Variants in CSMD1 observed in about 807,000 individuals in gnomAD.
CSMD1 encodes CUB and Sushi multiple domains 1.
In CSMD1, 213 loss-of-function variants were observed where a neutral mutation model predicts 417.5. The observed-to-expected ratio is 0.51, with a 90% CI of 0.46 to 0.57. The LOEUF is 0.57. CSMD1 is among the 20% of genes least tolerant of loss of function. The pLI, the probability that CSMD1 is intolerant of heterozygous loss-of-function variation, is 0.00. For missense variants in CSMD1, 6,923 were observed against 4,529.7 expected, an observed-to-expected ratio of 1.53 and a Z score of -15.17; for synonymous variants, 2,862 against 1,736.8, an observed-to-expected ratio of 1.65 and a Z score of -16.11.
At position 4,396,167 on chromosome 8, in the gene CSMD1, C is replaced by A. The variant is rs563474062; in HGVS notation, c.415+23786G>T. Among the ~76,000 whole-genome samples the A allele has an allele frequency of 2.6e-5, 4 of 152,096 alleles. No homozygotes were observed. In the Middle Eastern group the frequency reaches 0.01, roughly 388 times the overall value. The stretch of plus-strand genomic sequence containing the variant: ...AATATAGAAGTAATTATTTGCAAAG[C>A]AAGAATAACATTTCCAGTTGGGCAC... On this transcript the variant is annotated intron_variant, in intron 3 of 69. Coordinates refer to ENST00000635120, the MANE Select transcript of CSMD1 (RefSeq NM_033225.6).
intron 1 of CSMD1, among the ~76,000 whole-genome samples, chr8:4,696,074 A>G (rs992221591): frequency 6.6e-6 from 1 of 152,208 alleles, no homozygotes; most frequent in Non-Finnish European, 1.5e-5. Flanking sequence ...TTTTAACGGT[A>G]TCTGGTTCAT....
intron 5 of CSMD1, among the ~76,000 whole-genome samples, chr8:3,944,743 T>G (rs1811109458): frequency 6.6e-6 from 1 of 152,108 alleles, no homozygotes; most frequent in Admixed American, 6.6e-5. Context: ...TAATGCACTT[T>G]TCAAAACTAT....
intron 2 of CSMD1, among the ~76,000 whole-genome samples, chr8:4,448,391 C>G (rs753573958): frequency 6.6e-6 from 1 of 152,262 alleles, no homozygotes; most frequent in East Asian, 1.9e-4. Flanking sequence ...TTGTCCAACT[C>G]CTACTTTCAG....
chr8:3,094,738 T>A (rs1000544087), intron 47 of CSMD1, among the ~76,000 whole-genome samples: 4 of 120,120 alleles, frequency 3.3e-5, no homozygotes, highest in Non-Finnish European at 6.7e-5. Context: ...TAATAAAGTA[T>A]AAAATCAATA....
chr8:4,324,923 G>C (rs1413636902), intron 3 of CSMD1, among the ~76,000 whole-genome samples: 1 of 152,122 alleles, frequency 6.6e-6, no homozygotes, highest in Non-Finnish European at 1.5e-5. Flanking sequence ...TAGGTATGGG[G>C]CCTCTTCACG....
chr8:3,331,237 C>CAAAAAAAAAAAAAAAAAAAAAAAA lies in CSMD1; in HGVS notation c.3631+12056_3631+12057insTTTTTTTTTTTTTTTTTTTTTTTT, dbSNP rs112278319. Among the ~76,000 whole-genome samples the CAAAAAAAAAAAAAAAAAAAAAAAA allele has an allele frequency of 7.2e-4, 92 of 128,476 alleles. 3 individuals carry two copies. Among genetic ancestry groups the CAAAAAAAAAAAAAAAAAAAAAAAA allele is most frequent in the African/African-American group, 2.8e-3 (89 of 31,324 alleles). 84.3% of individuals were successfully genotyped at this position (128,476 alleles called of 152,430 possible). ...TGGCCGACAGAACGAGACTCCGTCT[C>CAAAAAAAAAAAAAAAAAAAAAAAA]AAAAAAAAAAAAAAAGAAAAGCAAC... On this transcript the variant is annotated intron_variant, in intron 23 of 69. Coordinates refer to ENST00000635120, the MANE Select transcript of CSMD1 (RefSeq NM_033225.6).
At chr8:4,040,186 G>T (rs1006437155) in intron 3 of CSMD1, among the ~76,000 whole-genome samples, 2 of 152,192 alleles carry the variant, frequency 1.3e-5, no homozygotes, top group African/African-American at 4.8e-5. Flanking sequence ...TAATGGAAGT[G>T]AAGGAGAAGG....
At chr8:3,130,178 T>C (rs1032344986) in intron 41 of CSMD1, among the ~76,000 whole-genome samples, 1 of 152,262 alleles carries the variant, frequency 6.6e-6, no homozygotes, top group South Asian at 2.1e-4. Flanking sequence ...GAAATTACCA[T>C]GTAATGAGCA....
At chr8:4,742,176 G>T (rs946264399) in intron 1 of CSMD1, among the ~76,000 whole-genome samples, 1 of 150,724 alleles carries the variant, frequency 6.6e-6, no homozygotes, top group African/African-American at 2.4e-5. Flanking sequence ...GACTACAGGC[G>T]CCCGCCACCA....
At chr8:3,778,024 C>A (rs1396938524) in intron 5 of CSMD1, among the ~76,000 whole-genome samples, 1 of 152,218 alleles carries the variant, frequency 6.6e-6, no homozygotes, top group African/African-American at 2.4e-5. Flanking sequence ...GAAACTCTGG[C>A]TGTCTGGCTG....
chr8:4,296,349 C>G (rs1047143708), intron 3 of CSMD1, among the ~76,000 whole-genome samples: 3 of 152,064 alleles, frequency 2.0e-5, no homozygotes, highest in African/African-American at 4.8e-5. Flanking sequence ...GCACTATAAA[C>G]TCATGTATAT....
chr8:3,163,374 T>C (rs751131539), intron 37 of CSMD1, among the ~76,000 whole-genome samples: 24 of 150,112 alleles, frequency 1.6e-4, no homozygotes, highest in Non-Finnish European at 2.5e-4. Context: ...GAAAGGAAGC[T>C]GGGGTGGAGG....
chr8:4,722,144 AAGAG>A (rs1265810782), intron 1 of CSMD1, among the ~76,000 whole-genome samples: 3 of 152,124 alleles, frequency 2.0e-5, no homozygotes, highest in South Asian at 2.1e-4. Flanking sequence ...GAAATTTACT[AAGAG>A]AGAAGATGTA....
Position 3,308,437 on chromosome 8 carries a change from C to T in CSMD1, c.3698G>A (p.Gly1233Asp), listed in dbSNP as rs763737608. The change falls in exon 24 of 70, where the codon GGC becomes GAC. Residue 1233 changes from glycine (G) to aspartate (D), a missense_variant. Gly to Asp is a moderately conservative substitution (Grantham distance 94, BLOSUM62 -1). Transcript: ENST00000635120. ...PNYGYRIRDE[G>D]HFTDTVVLYS... ...CAGAACTACAGTGTCGGTAAAGTGG[C>T]CTTCATCACGGATCCTATAGCCGTA... 3 of 1,613,794 alleles carry T rather than the reference C, an allele frequency of 1.9e-6. No homozygotes were observed. Among genetic ancestry groups the T allele is most frequent in the Non-Finnish European group, 2.5e-6 (3 of 1,179,812 alleles).
chr8:4,399,768 T>C (rs921929466), intron 3 of CSMD1, among the ~76,000 whole-genome samples: 1 of 152,196 alleles, frequency 6.6e-6, no homozygotes, highest in Non-Finnish European at 1.5e-5. Context: ...TGAATTTTCC[T>C]CATGTGAGTC....
chr8:3,539,375 G>T (rs993968358), intron 10 of CSMD1, among the ~76,000 whole-genome samples: 6 of 152,016 alleles, frequency 3.9e-5, no homozygotes, highest in Non-Finnish European at 7.4e-5. Context: ...TTTACTATAA[G>T]AAGTATATAC....
rs145542698 is a variant in CSMD1, at chr8:3,508,736, T to C, written c.1345-15010A>G. Among the ~76,000 whole-genome samples, 479 of 152,182 alleles carry C rather than the reference T, an allele frequency of 3.1e-3. 7 individuals carry two copies. Among genetic ancestry groups the C allele is most frequent in the African/African-American group, 0.011 (457 of 41,520 alleles). The stretch of plus-strand genomic sequence containing the variant: ...TGAATATTTTAAAATTTAAAACAAA[T>C]AAAATTATCATTCTATTTAGACCGA... On this transcript the variant is annotated intron_variant, in intron 10 of 69. Transcript: ENST00000635120.
At chr8:3,779,465 C>A (rs1799062794) in intron 5 of CSMD1, among the ~76,000 whole-genome samples, 1 of 152,092 alleles carries the variant, frequency 6.6e-6, no homozygotes, top group African/African-American at 2.4e-5. Flanking sequence ...TTTTAGACAT[C>A]TTAAAACAAT....
chr8:4,752,009 T>C (rs1400333130), intron 1 of CSMD1, among the ~76,000 whole-genome samples: 1 of 152,180 alleles, frequency 6.6e-6, no homozygotes, highest in Non-Finnish European at 1.5e-5. Flanking sequence ...CACAAAATAC[T>C]GATTAGTATC....
Sources: gnomAD v4.1 joint callset for allele counts (sites outside exome capture counted in the v4.1 genomes callset) on GRCh38, gnomAD v4.1.1 for gene constraint, MANE v1.5 for transcripts, NCBI Gene and HGNC (gene_info 2026-07-23, HGNC 2026-07-21) for gene names.